ZNF804B: variants seen among roughly 807,000 people sequenced by gnomAD.
ZNF804B encodes the protein zinc finger protein 804B.
A neutral mutation model predicts 101.4 loss-of-function variants in ZNF804B; 80 were observed. That is an observed-to-expected ratio of 0.79 (90% CI 0.66 to 0.95). The LOEUF (loss-of-function observed/expected upper bound fraction) is 0.95, where lower values mean the gene tolerates loss of function less well. ZNF804B is among the 40% of genes least tolerant of loss of function. ZNF804B has a pLI of 0.00. For synonymous variants in ZNF804B, 622 were observed against 558.8 expected, an observed-to-expected ratio of 1.11 and a Z score of -1.59; for missense variants, 1,673 against 1,561.9, an observed-to-expected ratio of 1.07 and a Z score of -1.20.
chr7:89,298,142 TC>T (rs1374038164), intron 2 of ZNF804B, among the ~76,000 whole-genome samples: 85 of 84,100 alleles, frequency 1.0e-3, no homozygotes, highest in Non-Finnish European at 1.6e-3. Flanking sequence ...TATATATATA[TC>T]ATATATATAG....
intron 1 of ZNF804B, among the ~76,000 whole-genome samples, chr7:88,932,996 CA>C (rs1792911798): frequency 6.6e-6 from 1 of 151,258 alleles, no homozygotes; most frequent in Non-Finnish European, 1.5e-5. Flanking sequence ...ATAACAACAA[CA>C]AAAATTACAG....
intron 1 of ZNF804B, among the ~76,000 whole-genome samples, chr7:88,885,060 A>G: frequency 6.6e-6 from 1 of 151,956 alleles, no homozygotes; most frequent in Non-Finnish European, 1.5e-5. Flanking sequence ...GAAGCATTTC[A>G]ATGCATATAT....
intron 1 of ZNF804B, among the ~76,000 whole-genome samples, chr7:89,056,732 T>G (rs1186178159): frequency 6.6e-6 from 1 of 152,118 alleles, no homozygotes; most frequent in African/African-American, 2.4e-5. Context: ...GCCTAATTCC[T>G]GAAATCACCA....
chr7:89,017,964 G>A (rs1419307696), intron 1 of ZNF804B, among the ~76,000 whole-genome samples: 1 of 152,006 alleles, frequency 6.6e-6, no homozygotes, highest in East Asian at 1.9e-4. Context: ...TCAGCCAAGA[G>A]GAACAAGCTG....
At chr7:89,041,198 G>T (rs997054024) in intron 1 of ZNF804B, among the ~76,000 whole-genome samples, 1 of 152,176 alleles carries the variant, frequency 6.6e-6, no homozygotes, top group South Asian at 2.1e-4. Flanking sequence ...GCCTGACTCT[G>T]AGATGTACCT....
At chr7:88,791,868 G>A (rs928170547) in intron 1 of ZNF804B, among the ~76,000 whole-genome samples, 3 of 152,094 alleles carry the variant, frequency 2.0e-5, no homozygotes, top group African/African-American at 7.2e-5. Flanking sequence ...ACAGAACTCT[G>A]ATTTGGGCAG....
chr7:89,309,308 C>T (rs1032441474), intron 2 of ZNF804B, among the ~76,000 whole-genome samples: 1 of 152,156 alleles, frequency 6.6e-6, no homozygotes, highest in African/African-American at 2.4e-5. Context: ...ATCCATGTTG[C>T]TGCAAAGGGC....
At chr7:89,193,231 T>C (rs1408897111) in intron 1 of ZNF804B, among the ~76,000 whole-genome samples, 1 of 150,404 alleles carries the variant, frequency 6.6e-6, no homozygotes, top group Non-Finnish European at 1.5e-5. Context: ...AATAACATGA[T>C]CCTATATCTA....
rs565580371 is a variant in ZNF804B, at chr7:89,086,287, C to T, written c.109-131868C>T. Among the ~76,000 whole-genome samples the T allele has an allele frequency of 1.3e-4, 19 of 151,996 alleles. No homozygotes were observed. In the South Asian group the frequency reaches 3.5e-3, roughly 28 times the overall value. ...TGTAAAAATGGTTCATTATGCATTT[C>T]GTGATGCAGAAATGTAATGTTAAGT... is the stretch of plus-strand genomic sequence containing the variant. On this transcript the variant is annotated intron_variant, in intron 1 of 3. Transcript: ENST00000333190.
At chr7:89,217,893 A>G (rs1049317445) in intron 1 of ZNF804B, among the ~76,000 whole-genome samples, 2 of 152,196 alleles carry the variant, frequency 1.3e-5, no homozygotes, top group Admixed American at 6.5e-5. Flanking sequence ...AATAGGCACA[A>G]TCACAACCTA....
intron 1 of ZNF804B, among the ~76,000 whole-genome samples, chr7:89,105,491 G>A (rs1790120582): frequency 1.3e-5 from 2 of 151,860 alleles, no homozygotes; most frequent in South Asian, 4.2e-4. Flanking sequence ...ACCCTTATAT[G>A]CATTCTTTCC....
chr7:89,232,083 A>AT lies in ZNF804B; in HGVS notation c.249+13796dup, dbSNP rs553288594. On this transcript the variant is annotated intron_variant, in intron 2 of 3. Transcript: ENST00000333190. Reference sequence around the variant, plus strand: ...AGAAACCCTTTATGAGAATGAAAGCATTTTTTTTACTCCTAGTTTATTGAG... The same window carrying AT: ...AGAAACCCTTTATGAGAATGAAAGCATTTTTTTTTACTCCTAGTTTATTGAG... 3.9e-3 allele frequency among the ~76,000 whole-genome samples: 586 copies of AT among 151,918 alleles called. 3 individuals are homozygous for AT. The highest frequency in any genetic ancestry group is 0.014 in the African/African-American group (563 of 41,486).
intron 1 of ZNF804B, among the ~76,000 whole-genome samples, chr7:88,866,900 G>C (rs1791735340): frequency 6.6e-6 from 1 of 152,148 alleles, no homozygotes; most frequent in South Asian, 2.1e-4. Context: ...CCCTAGAATT[G>C]ATTACAGTCA....
At chr7:88,919,818 T>C (rs899566170) in intron 1 of ZNF804B, among the ~76,000 whole-genome samples, 4 of 152,134 alleles carry the variant, frequency 2.6e-5, no homozygotes, top group African/African-American at 9.6e-5. Context: ...ATTCTAAATG[T>C]CAGTCATGAC....
intron 2 of ZNF804B, among the ~76,000 whole-genome samples, chr7:89,227,160 C>A (rs1039880738): frequency 6.6e-5 from 10 of 152,162 alleles, no homozygotes; most frequent in Admixed American, 2.0e-4. Context: ...TTGGTGGAAC[C>A]TATCCTCTAG....
At position 89,211,214 on chromosome 7, in the gene ZNF804B, TTTAAG is replaced by T. The variant is rs559522147; in HGVS notation, c.109-6937_109-6933del. On this transcript the variant is annotated intron_variant, in intron 1 of 3. Transcript: ENST00000333190. ...TGTTTGTTTTTTTCTTGTTAATTCG[TTTAAG>T]TTATTTGTAGATTCTGGATATTAGA... Among the ~76,000 whole-genome samples the T allele has an allele frequency of 4.2e-3, 632 of 152,248 alleles. 5 individuals carry two copies. Among genetic ancestry groups the T allele is most frequent in the African/African-American group, 0.015 (611 of 41,542 alleles).
intron 1 of ZNF804B, among the ~76,000 whole-genome samples, chr7:89,156,074 C>CTTTCTT (rs1562899806): frequency 2.9e-5 from 2 of 69,780 alleles, no homozygotes; most frequent in East Asian, 9.7e-4. Flanking sequence ...CTTTCTTTCT[C>CTTTCTT]TCTTTCTCTC....
chr7:88,897,528 C>T (rs903749123), intron 1 of ZNF804B, among the ~76,000 whole-genome samples: 26 of 114,212 alleles, frequency 2.3e-4, no homozygotes, highest in Admixed American at 1.8e-3. Context: ...TGTTTCATAC[C>T]ACTAACTGGT....
At chr7:88,882,032 C>A (rs150527928) in intron 1 of ZNF804B, among the ~76,000 whole-genome samples, 19 of 152,262 alleles carry the variant, frequency 1.2e-4, no homozygotes, top group African/African-American at 4.1e-4. Context: ...AAAGCTGTAA[C>A]TCTGAGTCTG....
Sources: gnomAD v4.1 joint callset for allele counts (sites outside exome capture counted in the v4.1 genomes callset) on GRCh38, gnomAD v4.1.1 for gene constraint, MANE v1.5 for transcripts, NCBI Gene and HGNC (gene_info 2026-07-23, HGNC 2026-07-21) for gene names.